CNTN5: variants seen among roughly 807,000 people sequenced by gnomAD.
CNTN5 encodes the protein contactin-5.
CNTN5 carries 77 observed loss-of-function variants against 129.1 expected under a neutral mutation model. The ratio of observed to expected loss-of-function variants is 0.60; its 90% CI spans 0.50 to 0.72. The LOEUF (loss-of-function observed/expected upper bound fraction) is 0.72, where lower values mean the gene tolerates loss of function less well. Ranked by LOEUF, CNTN5 falls within the 30% of genes least tolerant of loss-of-function variation. The pLI, the probability that CNTN5 is intolerant of heterozygous loss-of-function variation, is 0.00. For missense variants in CNTN5, 1,478 were observed against 1,328.8 expected (o/e 1.11, Z -1.75); for synonymous variants, 509 against 465.6 (o/e 1.09, Z -1.20).
chr11:99,634,405 A>G (rs1374979891), intron 3 of CNTN5, among the ~76,000 whole-genome samples: 2 of 152,298 alleles, frequency 1.3e-5, no homozygotes, highest in South Asian at 4.1e-4. Flanking sequence ...GAAATTCTGA[A>G]GGTGTTTGAT....
chr11:100,014,966 A>T (rs1456971542), intron 9 of CNTN5, among the ~76,000 whole-genome samples: 3 of 152,136 alleles, frequency 2.0e-5, no homozygotes, highest in South Asian at 2.1e-4. Context: ...GTGACCATTT[A>T]GGCGTTTTCC....
intron 3 of CNTN5, among the ~76,000 whole-genome samples, chr11:99,731,230 C>G (rs769901931): frequency 1.1e-4 from 17 of 152,042 alleles, no homozygotes; most frequent in Non-Finnish European, 1.2e-4. Context: ...GCCTCAGCCT[C>G]CCGAGTAGCT....
At chr11:100,079,147 C>A (rs758236606) in intron 13 of CNTN5, among the ~76,000 whole-genome samples, 2 of 152,112 alleles carry the variant, frequency 1.3e-5, no homozygotes, top group East Asian at 3.9e-4. Flanking sequence ...TCTACCTGAT[C>A]TCTCCCTTGA....
intron 2 of CNTN5, among the ~76,000 whole-genome samples, chr11:99,462,641 T>A (rs887694940): frequency 6.6e-6 from 1 of 152,182 alleles, no homozygotes; most frequent in Non-Finnish European, 1.5e-5. Flanking sequence ...GTTAACATCC[T>A]CCAAAAGAGT....
chr11:99,433,371 A>AATGTGTGTGTGTGTGTG (rs1555143805), intron 2 of CNTN5, among the ~76,000 whole-genome samples: 10 of 140,840 alleles, frequency 7.1e-5, no homozygotes, highest in African/African-American at 1.3e-4. Flanking sequence ...TAAAAAAAAA[A>AATGTGTGTGTGTGTGTG]TGTGTGTGTG....
chr11:99,489,207 G>C (rs1404352604), intron 2 of CNTN5, among the ~76,000 whole-genome samples: 3 of 151,960 alleles, frequency 2.0e-5, no homozygotes, highest in Non-Finnish European at 4.4e-5. Flanking sequence ...TGTCTTTTTA[G>C]TCAACTTGCT....
intron 3 of CNTN5, among the ~76,000 whole-genome samples, chr11:99,632,271 T>C (rs1248330104): frequency 1.3e-5 from 2 of 152,168 alleles, no homozygotes; most frequent in African/African-American, 4.8e-5. Flanking sequence ...AATTATATAC[T>C]GTAAATGTTC....
At chr11:99,730,871 A>G (rs1041465412) in intron 3 of CNTN5, among the ~76,000 whole-genome samples, 5 of 152,184 alleles carry the variant, frequency 3.3e-5, no homozygotes, top group Admixed American at 2.6e-4. Flanking sequence ...CTGCTGTGCT[A>G]GAGAACACTA....
At chr11:99,112,682 C>A (rs17133035) in intron 1 of CNTN5, among the ~76,000 whole-genome samples, 7,777 of 151,938 alleles carry the variant, frequency 0.051, 365 homozygotes, top group African/African-American at 0.13. Context: ...GGGATCTAAA[C>A]CTAGAGTTAA....
At chr11:99,708,529 A>G (rs1954845373) in intron 3 of CNTN5, among the ~76,000 whole-genome samples, 1 of 151,490 alleles carries the variant, frequency 6.6e-6, no homozygotes, top group Non-Finnish European at 1.5e-5. Flanking sequence ...ATTGTTTATA[A>G]TAAGATACTT....
At chr11:100,172,017 C>CTGTA (rs987146101) in intron 13 of CNTN5, among the ~76,000 whole-genome samples, 20 of 152,050 alleles carry the variant, frequency 1.3e-4, no homozygotes, top group African/African-American at 4.1e-4. Flanking sequence ...AATACACATA[C>CTGTA]TGTAGTACCA....
intron 2 of CNTN5, among the ~76,000 whole-genome samples, chr11:99,368,610 T>C (rs949364776): frequency 2.0e-5 from 3 of 152,210 alleles, no homozygotes; most frequent in Non-Finnish European, 4.4e-5. Context: ...TATAACATAT[T>C]GAACACTGTG....
chr11:100,344,350 A>G (rs1043469218), intron 23 of CNTN5, among the ~76,000 whole-genome samples: 1 of 152,204 alleles, frequency 6.6e-6, no homozygotes, highest in Non-Finnish European at 1.5e-5. Flanking sequence ...TATTTTCCCC[A>G]TATATTCAGT....
At position 100,333,310 on chromosome 11, in the gene CNTN5, G is replaced by C. The variant is rs138951614; in HGVS notation, c.2731-7153G>C. ...TGAAACACATCATGCTCATGGATGG[G>C]TAGAATCAATATTGTCAAAATGACC... On this transcript the variant is annotated intron_variant, in intron 21 of 24. Coordinates refer to ENST00000524871, the MANE Select transcript of CNTN5 (RefSeq NM_014361.4). Among the ~76,000 whole-genome samples the C allele has an allele frequency of 9.2e-3, 1,349 of 147,388 alleles. 19 individuals carry two copies. The highest frequency in any genetic ancestry group is 0.032 in the African/African-American group (1,275 of 40,070).
At chr11:99,262,701 T>C (rs1453979201) in intron 1 of CNTN5, among the ~76,000 whole-genome samples, 11 of 151,952 alleles carry the variant, frequency 7.2e-5, no homozygotes, top group Non-Finnish European at 1.5e-4. Context: ...TAAAATTATG[T>C]TATGTAAAAA....
chr11:99,679,017 C>A (rs569775166), intron 3 of CNTN5, among the ~76,000 whole-genome samples: 1 of 145,058 alleles, frequency 6.9e-6, no homozygotes, highest in East Asian at 2.0e-4. Flanking sequence ...TTATATATTT[C>A]TTTTAAATAT....
At chr11:99,098,637 A>T (rs149635661) in intron 1 of CNTN5, among the ~76,000 whole-genome samples, 90 of 152,246 alleles carry the variant, frequency 5.9e-4, no homozygotes, top group African/African-American at 2.1e-3. Context: ...TTTAATATAA[A>T]ATATTAATTA....
chr11:99,688,701 T>C lies in CNTN5; in HGVS notation c.56-130843T>C, dbSNP rs1272398564. On this transcript the variant is annotated intron_variant, in intron 3 of 24. Transcript: ENST00000524871. ...GTCATGGTGCTACACAGTCATCCCA[T>C]CACCGAGGTATTAATCCCAGCATTC... Among the ~76,000 whole-genome samples the C allele has an allele frequency of 3.3e-5, 5 of 152,146 alleles. No individual in the cohort carries two copies. The East Asian group carries it at 9.6e-4, about 29-fold the overall frequency.
chr11:99,915,552 C>T (rs1431734140), intron 6 of CNTN5, among the ~76,000 whole-genome samples: 2 of 152,030 alleles, frequency 1.3e-5, no homozygotes, highest in Admixed American at 1.3e-4. Context: ...AAAAAGAATG[C>T]TTTTTCTATT....
Sources: gnomAD v4.1 joint callset for allele counts (sites outside exome capture counted in the v4.1 genomes callset) on GRCh38, gnomAD v4.1.1 for gene constraint, MANE v1.5 for transcripts, NCBI Gene and HGNC (gene_info 2026-07-23, HGNC 2026-07-21) for gene names.